Variants in HPSE2 observed in about 807,000 individuals in gnomAD.
HPSE2 encodes the protein inactive heparanase-2.
HPSE2 carries 38 observed loss-of-function variants against 60.5 expected under a neutral mutation model. The ratio of observed to expected loss-of-function variants is 0.63; its 90% CI spans 0.48 to 0.82. HPSE2 has a LOEUF of 0.82. Among genes scored for constraint, HPSE2 ranks in the 40% least tolerant of loss-of-function variants. HPSE2 has a pLI of 0.00. For missense variants in HPSE2, 713 were observed against 740.4 expected, an observed-to-expected ratio of 0.96 and a Z score of 0.43; for synonymous variants, 295 against 293.2, an observed-to-expected ratio of 1.01 and a Z score of -0.06.
chr10:99,164,397 C>T (rs1846982908), intron 2 of HPSE2, among the ~76,000 whole-genome samples: 1 of 150,414 alleles, frequency 6.6e-6, no homozygotes, highest in Non-Finnish European at 1.5e-5. Flanking sequence ...TTTGACATAT[C>T]CTCAATCTAT....
At chr10:98,680,497 G>T (rs2134134946) in intron 6 of HPSE2, among the ~76,000 whole-genome samples, 1 of 152,200 alleles carries the variant, frequency 6.6e-6, no homozygotes, top group Non-Finnish European at 1.5e-5. Flanking sequence ...AAAACTGCAG[G>T]TACCTTAGCA....
intron 3 of HPSE2, among the ~76,000 whole-genome samples, chr10:99,120,532 C>A (rs527904756): frequency 1.3e-5 from 2 of 150,732 alleles, no homozygotes; most frequent in African/African-American, 4.9e-5. Flanking sequence ...GGACTGCAAT[C>A]GTGCGATCTT....
intron 3 of HPSE2, among the ~76,000 whole-genome samples, chr10:98,842,145 A>G (rs10786478): frequency 0.66 from 100,375 of 152,074 alleles, 33,853 homozygotes; most frequent in South Asian, 0.78. Flanking sequence ...AGTACATTCT[A>G]TAAGTTTGGA....
chr10:98,483,062 T>C (rs767149447), intron 10 of HPSE2, among the ~76,000 whole-genome samples: 1 of 152,112 alleles, frequency 6.6e-6, no homozygotes, highest in Non-Finnish European at 1.5e-5. Flanking sequence ...TACCATAGTA[T>C]GGAAGTAAAA....
rs183502394 is a variant in HPSE2 at position 98,578,928 on chromosome 10, T to C, written c.1320+35976A>G. 1.6e-3 allele frequency among the ~76,000 whole-genome samples: 243 copies of C among 152,340 alleles called. 2 individuals are homozygous for C. Among genetic ancestry groups the C allele is most frequent in the Middle Eastern group, 3.4e-3 (1 of 294 alleles). On this transcript the variant is annotated intron_variant, in intron 9 of 11. Transcript: ENST00000370552. ...GAACAGGAAAACCCCTGGCTTTTAA[T>C]TCCTTGTCTCAATCTGAGCTGAGAG...
At chr10:98,538,013 C>T (rs1014978174) in intron 9 of HPSE2, among the ~76,000 whole-genome samples, 1 of 152,216 alleles carries the variant, frequency 6.6e-6, no homozygotes, top group Admixed American at 6.5e-5. Context: ...TTCTCCTCTG[C>T]TTCGGCTACC....
At chr10:98,822,945 T>G (rs1213738062) in intron 3 of HPSE2, among the ~76,000 whole-genome samples, 1 of 152,214 alleles carries the variant, frequency 6.6e-6, no homozygotes, top group African/African-American at 2.4e-5. Context: ...GATGGGGAGA[T>G]TATTCTAAAT....
At chr10:98,776,259 C>T (rs796912053) in intron 3 of HPSE2, among the ~76,000 whole-genome samples, 7 of 140,996 alleles carry the variant, frequency 5.0e-5, no homozygotes, top group African/African-American at 1.9e-4. Flanking sequence ...ATGGTGAAAC[C>T]CCATCTCTAC....
chr10:98,504,683 A>C (rs1942139456), intron 9 of HPSE2, among the ~76,000 whole-genome samples: 1 of 151,582 alleles, frequency 6.6e-6, no homozygotes, highest in African/African-American at 2.4e-5. Flanking sequence ...CCCGCTATTC[A>C]GGAGGCTGAG....
intron 6 of HPSE2, among the ~76,000 whole-genome samples, chr10:98,676,054 A>G (rs1947633489): frequency 6.6e-6 from 1 of 151,596 alleles, no homozygotes; most frequent in African/African-American, 2.4e-5. Context: ...AAAAAAAGGA[A>G]GTGAGGGCTA....
intron 3 of HPSE2, among the ~76,000 whole-genome samples, chr10:99,125,156 A>T (rs1845115967): frequency 6.6e-6 from 1 of 152,166 alleles, no homozygotes; most frequent in South Asian, 2.1e-4. Flanking sequence ...CACACACAAA[A>T]ACTTCCTCTC....
chr10:99,293,256 C>T, the HPSE2 span, among the ~76,000 whole-genome samples: 1 of 151,974 alleles, frequency 6.6e-6, no homozygotes, highest in Non-Finnish European at 1.5e-5. Flanking sequence ...TAAGTTGATT[C>T]AAAAAGTAGT....
At chr10:99,186,133 C>CACACACACAT (rs1554912931) in intron 2 of HPSE2, among the ~76,000 whole-genome samples, 32 of 150,736 alleles carry the variant, frequency 2.1e-4, no homozygotes, top group South Asian at 6.3e-4. Context: ...CACACACACA[C>CACACACACAT]ACACACACAC....
chr10:98,804,340 G>T (rs533467173), intron 3 of HPSE2, among the ~76,000 whole-genome samples: 2 of 151,730 alleles, frequency 1.3e-5, no homozygotes, highest in South Asian at 4.2e-4. Flanking sequence ...AAAATGAAGA[G>T]ATAACCCACA....
At chr10:98,944,485 T>C (rs1243036295) in intron 3 of HPSE2, among the ~76,000 whole-genome samples, 1 of 152,210 alleles carries the variant, frequency 6.6e-6, no homozygotes, top group Non-Finnish European at 1.5e-5. Flanking sequence ...AATTATAGTT[T>C]ATACTATTTC....
intron 9 of HPSE2, among the ~76,000 whole-genome samples, chr10:98,565,902 A>C (rs542319151): frequency 4.8e-4 from 73 of 152,122 alleles, no homozygotes; most frequent in Non-Finnish European, 9.0e-4. Flanking sequence ...TGGGTCACCA[A>C]GAGGTAGAGA....
At chr10:99,192,059 C>T (rs181600631) in intron 2 of HPSE2, among the ~76,000 whole-genome samples, 6 of 151,646 alleles carry the variant, frequency 4.0e-5, no homozygotes, top group African/African-American at 1.5e-4. Context: ...ATAGAGGAGA[C>T]AAAAGAAAAA....
At chr10:98,678,088 G>A (rs944078258) in intron 6 of HPSE2, among the ~76,000 whole-genome samples, 1 of 152,170 alleles carries the variant, frequency 6.6e-6, no homozygotes, top group Non-Finnish European at 1.5e-5. Context: ...CAGCAGAAGT[G>A]AAGAATGATG....
At chr10:98,958,676 T>C (rs1030461321) in intron 3 of HPSE2, among the ~76,000 whole-genome samples, 4 of 152,116 alleles carry the variant, frequency 2.6e-5, no homozygotes, top group Admixed American at 2.6e-4. Context: ...GTGACTGAGC[T>C]GAACTCTAGT....
Sources: gnomAD v4.1 joint callset for allele counts (sites outside exome capture counted in the v4.1 genomes callset) on GRCh38, gnomAD v4.1.1 for gene constraint, MANE v1.5 for transcripts, NCBI Gene and HGNC (gene_info 2026-07-23, HGNC 2026-07-21) for gene names.